Variants in SMPD3 observed in about 807,000 individuals in gnomAD.
SMPD3 encodes the protein sphingomyelin phosphodiesterase 3, also known as nSMase-2.
SMPD3 carries 21 observed loss-of-function variants against 55.7 expected under a neutral mutation model. That is an observed-to-expected ratio of 0.38 (90% CI 0.27 to 0.54). The LOEUF is 0.54. Ranked by LOEUF, SMPD3 falls within the 20% of genes least tolerant of loss-of-function variation. The pLI is 0.80. For synonymous variants in SMPD3, 457 were observed against 404.3 expected, an observed-to-expected ratio of 1.13 and a Z score of -1.56; for missense variants, 842 against 899.6, an observed-to-expected ratio of 0.94 and a Z score of 0.82.
intron 2 of SMPD3, among the ~76,000 whole-genome samples, chr16:68,373,747 C>T (rs368402652): frequency 5.9e-5 from 9 of 152,268 alleles, no homozygotes; most frequent in South Asian, 2.1e-4. Flanking sequence ...CTATGTAGTC[C>T]GCTGTGTCAC....
At chr16:68,446,484 TACACACACACAC>T (rs3978672) in intron 1 of SMPD3, among the ~76,000 whole-genome samples, 7 of 143,866 alleles carry the variant, frequency 4.9e-5, no homozygotes, top group Admixed American at 1.4e-4. Context: ...GTGGTTCATC[TACACACACACAC>T]ACACACACAC....
Position 68,360,922 on chromosome 16 carries a change from C to G in SMPD3, c.*284G>C, listed in dbSNP as rs374543821. The G allele has an allele frequency of 1.0e-4, 44 of 427,914 alleles. No individual in the cohort carries two copies. In the Admixed American group the frequency reaches 1.7e-3, roughly 16 times the overall value. 26.5% of individuals were successfully genotyped at this position (427,914 alleles called of 1,614,324 possible). A position where few individuals can be genotyped will look rare whatever the true frequency, so the allele number is the denominator to read the frequency against. On this transcript the variant is annotated 3_prime_UTR_variant, in exon 9 of 9. Coordinates refer to ENST00000219334, the MANE Select transcript of SMPD3 (RefSeq NM_018667.4). ...CGAACCCGGTCCTCATACTAACCCA[C>G]GGGTTACAAACTCGGTTGTGCTGTA...
At chr16:68,385,392 TCGA>T (rs1423262387) in intron 2 of SMPD3, among the ~76,000 whole-genome samples, 1 of 152,194 alleles carries the variant, frequency 6.6e-6, no homozygotes, top group African/African-American at 2.4e-5. Flanking sequence ...GTCCTTCTTG[TCGA>T]TCCCCCTCGA....
intron 1 of SMPD3, among the ~76,000 whole-genome samples, chr16:68,425,406 C>T (rs1209303542): frequency 6.6e-6 from 1 of 152,156 alleles, no homozygotes; most frequent in African/African-American, 2.4e-5. Context: ...TGGATGGTTC[C>T]AAGGTTTCAC....
intron 1 of SMPD3, among the ~76,000 whole-genome samples, chr16:68,388,088 G>C (rs899264279): frequency 6.6e-6 from 1 of 152,186 alleles, no homozygotes; most frequent in African/African-American, 2.4e-5. Context: ...GGATGGCCAC[G>C]GCCAGGACCA....
intron 1 of SMPD3, among the ~76,000 whole-genome samples, chr16:68,393,853 C>T (rs1038447261): frequency 6.6e-6 from 1 of 152,184 alleles, no homozygotes; most frequent in Non-Finnish European, 1.5e-5. Context: ...CTTTCCCCTA[C>T]TTGCAGAGAA....
chr16:68,376,284 C>T (rs1465378717), intron 2 of SMPD3, among the ~76,000 whole-genome samples: 1 of 152,214 alleles, frequency 6.6e-6, no homozygotes, highest in Admixed American at 6.5e-5. Context: ...TGGTGGTGCT[C>T]AGCCGCACTG....
chr16:68,438,632 T>C (rs1387341195), intron 1 of SMPD3, among the ~76,000 whole-genome samples: 2 of 152,176 alleles, frequency 1.3e-5, no homozygotes, highest in Non-Finnish European at 2.9e-5. Flanking sequence ...ATTTCAGTGC[T>C]CCCAAACATA....
chr16:68,371,959 G>A lies in SMPD3; in HGVS notation c.223C>T (p.Leu75=). 1 of 1,612,318 alleles carries A rather than the reference G, an allele frequency of 6.2e-7. No individual in the cohort carries two copies. The highest frequency in any genetic ancestry group is 1.1e-5 in the South Asian group (1 of 90,594). Residue 75 remains leucine, a synonymous_variant, in exon 3 of 9, where the codon CTG becomes TTG. Transcript: ENST00000219334. ...AGAAAGCCGAGAAACGCAAAGGGCA[G>A]CGAGGCCACCAGGAGGGCCAGGTAG... ...PIYLALLVAS[L]PFAFLGFLFW...
chr16:68,365,643 G>T (rs2151975852), intron 3 of SMPD3, among the ~76,000 whole-genome samples: 1 of 152,202 alleles, frequency 6.6e-6, no homozygotes, highest in Non-Finnish European at 1.5e-5. Flanking sequence ...TGCTTTATAG[G>T]CCGTGGTCCC....
rs767794360 is a variant in SMPD3 at position 68,361,659 on chromosome 16, G to A, written c.1810C>T (p.Arg604Trp). The change falls in exon 8 of 9, where the codon CGG becomes TGG. Residue 604 changes from arginine to tryptophan, a missense_variant. Physicochemically the swap from Arg to Trp is moderately radical, Grantham distance 101. Around this residue, in one of 2 missense-constraint regions of SMPD3, gnomAD observed 649 missense variants for 643.6 expected, o/e 1.01. Transcript: ENST00000219334. Reference sequence around the variant, plus strand: ...GCATGCAGCATGTAGTCGATGCGCCGGCCGTTGCCCTTCAGCAGCTCCTTC... The same window carrying A: ...GCATGCAGCATGTAGTCGATGCGCCAGCCGTTGCCCTTCAGCAGCTCCTTC... ...GRKELLKGNG[R>W]RIDYMLHAEE... is the part of the protein sequence containing the mutation. 5 of 1,612,204 alleles carry A rather than the reference G, an allele frequency of 3.1e-6. No individual in the cohort carries two copies. The highest frequency in any genetic ancestry group is 2.2e-5 in the South Asian group (2 of 91,082).
chr16:68,363,646 T>C (rs1409614159), intron 6 of SMPD3, 87 bp from the exon 7 acceptor site: 34 of 1,468,150 alleles, frequency 2.3e-5, no homozygotes, highest in Non-Finnish European at 7.5e-6. Context: ...GGACACGGGC[T>C]TCTGCTAGCC....
At chr16:68,435,041 T>C (rs1000995389) in intron 1 of SMPD3, among the ~76,000 whole-genome samples, 5 of 152,056 alleles carry the variant, frequency 3.3e-5, no homozygotes, top group Non-Finnish European at 7.4e-5. Flanking sequence ...TTGGCAATGG[T>C]GGGTGGGAGG....
Position 68,370,936 on chromosome 16 carries a change from T to C in SMPD3, c.1246A>G (p.Met416Val), listed in dbSNP as rs544179317. 8.7e-6 allele frequency: 14 copies of C among 1,614,158 alleles called. No individual in the cohort carries two copies. The highest frequency in any genetic ancestry group is 1.1e-5 in the Non-Finnish European group (13 of 1,180,026). ...GGGTAACAGTGATAGGCCACGTCCA[T>C]GATGGGGTAGCGGCTGGCAAAGAGG... ...GLLFASRYPI[M>V]DVAYHCYPNK... The change falls in exon 3 of 9, where the codon ATG becomes GTG. Residue 416 changes from methionine to valine, a missense_variant. Met to Val is a conservative substitution (Grantham distance 21). Transcript: ENST00000219334.
intron 1 of SMPD3, among the ~76,000 whole-genome samples, chr16:68,434,078 T>G (rs2152031244): frequency 6.6e-6 from 1 of 152,364 alleles, no homozygotes; most frequent in Admixed American, 6.5e-5. Flanking sequence ...CATAAATGTG[T>G]ACTAAATTTA....
At chr16:68,377,282 C>A (rs1229317612) in intron 2 of SMPD3, among the ~76,000 whole-genome samples, 1 of 152,194 alleles carries the variant, frequency 6.6e-6, no homozygotes, top group African/African-American at 2.4e-5. Flanking sequence ...TGCCCTGGGA[C>A]TTTGGGAGCC....
rs551667364 is a variant in SMPD3, at chr16:68,379,555, T to C, written c.-207+7043A>G. The stretch of plus-strand genomic sequence containing the variant: ...TCCTCCTCTTGAGGCTGGTTTGCCT[T>C]ACAAAGAGGGTTCTCTGCTCTCCCA... On this transcript the variant is annotated intron_variant, in intron 2 of 8. Coordinates refer to ENST00000219334, the MANE Select transcript of SMPD3 (RefSeq NM_018667.4). 2.6e-5 allele frequency among the ~76,000 whole-genome samples: 4 copies of C among 152,306 alleles called. No homozygotes were observed. In the South Asian group the frequency reaches 8.3e-4, roughly 32 times the overall value.
intron 1 of SMPD3, among the ~76,000 whole-genome samples, chr16:68,445,117 T>C (rs1821436435): frequency 6.6e-6 from 1 of 152,264 alleles, no homozygotes; most frequent in South Asian, 2.1e-4. Context: ...TGGAAAGCCG[T>C]ATTTGCAGCT....
In SMPD3 at chr16:68,361,447, G is replaced by A. The variant is rs1009468286; in HGVS notation, c.1867-140C>T. ...TCCTGCAGTCAGAGGGATGGGGCCT[G>A]GAGGACCTGGGGCCCTAAGGGTCTG... On this transcript the variant is annotated intron_variant, in intron 8 of 8. Transcript: ENST00000219334. 489 of 1,363,858 alleles carry A rather than the reference G, an allele frequency of 3.6e-4. 1 individual carries two copies. Among genetic ancestry groups the A allele is most frequent in the Non-Finnish European group, 4.6e-4 (449 of 983,792 alleles). 84.5% of individuals were successfully genotyped at this position (1,363,858 alleles called of 1,614,324 possible).
Sources: allele counts gnomAD v4.1 joint callset (sites outside exome capture counted in the v4.1 genomes callset), GRCh38; gene constraint gnomAD v4.1.1; regional missense constraint gnomAD v4.1.1; transcripts MANE v1.5; gene names NCBI Gene and HGNC (gene_info 2026-07-23, HGNC 2026-07-21).